Variants in ADARB1 observed in about 807,000 individuals in gnomAD.
ADARB1 encodes the protein adenosine deaminase RNA specific B1.
ADARB1 carries 10 observed loss-of-function variants against 52.4 expected under a neutral mutation model. That is an observed-to-expected ratio of 0.19 (90% CI 0.12 to 0.32). ADARB1 has a LOEUF of 0.32. Among genes scored for constraint, ADARB1 ranks in the 10% least tolerant of loss-of-function variants. ADARB1 has a pLI of 1.00. For synonymous variants in ADARB1, 349 were observed against 371.1 expected (o/e 0.94, Z 0.68); for missense variants, 643 against 922.3 (o/e 0.70, Z 3.92).
intron 2 of ADARB1, among the ~76,000 whole-genome samples, chr21:45,135,758 G>T (rs927190893): frequency 3.3e-5 from 5 of 152,102 alleles, no homozygotes; most frequent in Non-Finnish European, 7.4e-5. Flanking sequence ...AAAAACATAT[G>T]AAGTGTAGAA....
intron 1 of ADARB1, among the ~76,000 whole-genome samples, chr21:45,084,128 G>C (rs1253141106): frequency 1.3e-5 from 2 of 152,226 alleles, no homozygotes; most frequent in Non-Finnish European, 2.9e-5. Flanking sequence ...TCATGCCTCT[G>C]CTGCAGGCTC....
At chr21:45,164,058 A>C (rs1177315177) in intron 2 of ADARB1, among the ~76,000 whole-genome samples, 2 of 152,188 alleles carry the variant, frequency 1.3e-5, no homozygotes, top group Non-Finnish European at 2.9e-5. Context: ...ATTAATAATA[A>C]ATGATAGAAG....
rs1180670823 is a variant in ADARB1 at position 45,142,954 on chromosome 21, C to T, written c.-48+14381C>T. On this transcript the variant is annotated intron_variant, in intron 2 of 10. Coordinates refer to ENST00000348831, the MANE Select transcript of ADARB1 (RefSeq NM_001112.4). The surrounding 1 kb of genome is among the most constrained non-coding windows in gnomAD (Gnocchi z 4.0). Reference sequence around the variant, plus strand: ...TGCACAGCTGTGCAGCCTCCACCCACAAAGGCCAAAGCTCCAATGGCATCT... The same window carrying T: ...TGCACAGCTGTGCAGCCTCCACCCATAAAGGCCAAAGCTCCAATGGCATCT... 6.6e-6 allele frequency among the ~76,000 whole-genome samples: 1 copy of T among 152,212 alleles called. No homozygotes were observed. Among genetic ancestry groups the T allele is most frequent in the Non-Finnish European group, 1.5e-5 (1 of 68,036 alleles).
intron 2 of ADARB1, among the ~76,000 whole-genome samples, chr21:45,133,029 C>T (rs1358718438): frequency 6.6e-6 from 1 of 152,242 alleles, no homozygotes; most frequent in Non-Finnish European, 1.5e-5. Context: ...GGTGGCGGCT[C>T]ATCTGTCAAG....
intron 2 of ADARB1, among the ~76,000 whole-genome samples, chr21:45,150,663 C>A (rs2090238287): frequency 6.6e-6 from 1 of 152,164 alleles, no homozygotes; most frequent in Non-Finnish European, 1.5e-5. Context: ...GGCAGCCCCA[C>A]CCTAACGAGA....
intron 1 of ADARB1, among the ~76,000 whole-genome samples, chr21:45,102,061 T>C (rs929213359): frequency 1.3e-5 from 2 of 152,144 alleles, no homozygotes; most frequent in African/African-American, 4.8e-5. Context: ...CAGCTAACTT[T>C]TTTTATTTTT....
intron 7 of ADARB1, among the ~76,000 whole-genome samples, chr21:45,184,243 T>C (rs1302643974): frequency 6.6e-6 from 1 of 152,196 alleles, no homozygotes; most frequent in East Asian, 1.9e-4. Flanking sequence ...TTTAAAAATA[T>C]AGAGGAAAAT....
At chr21:45,214,362 G>A (rs984977880) in intron 9 of ADARB1, among the ~76,000 whole-genome samples, 1 of 152,002 alleles carries the variant, frequency 6.6e-6, no homozygotes, top group African/African-American at 2.4e-5. Flanking sequence ...AGTGTCTTAC[G>A]CAAACCACAT....
intron 2 of ADARB1, among the ~76,000 whole-genome samples, chr21:45,162,914 T>C (rs2091050699): frequency 1.3e-5 from 2 of 151,586 alleles, no homozygotes; most frequent in Non-Finnish European, 1.5e-5. Flanking sequence ...ATGTGAATCT[T>C]AACTCACAGC....
Position 45,105,053 on chromosome 21 carries a change from C to G in ADARB1, c.-219-23349C>G, listed in dbSNP as rs535457644. 2.0e-5 allele frequency among the ~76,000 whole-genome samples: 3 copies of G among 151,670 alleles called. No individual in the cohort carries two copies. In the East Asian group the frequency reaches 5.8e-4, roughly 29 times the overall value. Reference sequence around the variant, plus strand: ...TACTTCCCAGGTGATTTTTCTGTTACGCTTAGCATGCATCGTTGCTGCTTC... The same window carrying G: ...TACTTCCCAGGTGATTTTTCTGTTAGGCTTAGCATGCATCGTTGCTGCTTC... On this transcript the variant is annotated intron_variant, in intron 1 of 10. Transcript: ENST00000348831.
At chr21:45,093,060 C>T (rs2086621728) in intron 1 of ADARB1, among the ~76,000 whole-genome samples, 1 of 152,088 alleles carries the variant, frequency 6.6e-6, no homozygotes. Context: ...TTATACCCCA[C>T]CCCACCCCCA....
At chr21:45,185,716 G>C (rs1401914252) in intron 8 of ADARB1, among the ~76,000 whole-genome samples, 1 of 152,084 alleles carries the variant, frequency 6.6e-6, no homozygotes, top group Admixed American at 6.5e-5. Flanking sequence ...AGTTCCAGTA[G>C]TTCTTTGTTT....
chr21:45,114,330 A>G (rs771008344), intron 1 of ADARB1, among the ~76,000 whole-genome samples: 1 of 152,192 alleles, frequency 6.6e-6, no homozygotes, highest in African/African-American at 2.4e-5. Flanking sequence ...TCCAAGCACC[A>G]TTGTGACATA....
Position 45,183,621 on chromosome 21 carries a change from G to T in ADARB1, c.1396+111G>T. 4.0e-6 allele frequency: 5 copies of T among 1,247,706 alleles called. No individual in the cohort carries two copies. The Admixed American group carries it at 8.6e-5, about 22-fold the overall frequency. 77.3% of individuals were successfully genotyped at this position (1,247,706 alleles called of 1,614,324 possible). On this transcript the variant is annotated intron_variant, in intron 7 of 10. Transcript: ENST00000348831. ...TTTTTTCTTTTTATTTTTAGACTTG[G>T]ATGTGGATCTGATAAGAGTCTCTAT...
chr21:45,101,391 G>T (rs2087008866), intron 1 of ADARB1, among the ~76,000 whole-genome samples: 1 of 152,246 alleles, frequency 6.6e-6, no homozygotes, highest in Admixed American at 6.5e-5. Context: ...AGTGCTGGGT[G>T]CAGAGGATCT....
intron 2 of ADARB1, among the ~76,000 whole-genome samples, chr21:45,161,884 G>A (rs975130292): frequency 6.6e-6 from 1 of 152,178 alleles, no homozygotes; most frequent in Non-Finnish European, 1.5e-5. Context: ...AAGACAGGAT[G>A]ACCTGCTTAT....
chr21:45,109,268 C>CTG (rs57794933), intron 1 of ADARB1, among the ~76,000 whole-genome samples: 124,502 of 147,278 alleles, frequency 0.85, 52,626 homozygotes, highest in Non-Finnish European at 0.89. Context: ...TGTGTGTGCA[C>CTG]TGCGCGCGTG....
chr21:45,092,911 T>C (rs1393893454), intron 1 of ADARB1, among the ~76,000 whole-genome samples: 2 of 150,996 alleles, frequency 1.3e-5, no homozygotes, highest in African/African-American at 4.8e-5. Flanking sequence ...TTTTTTTTTC[T>C]TGATGGAGCC....
At chr21:45,097,948 GCTT>G (rs1356440084) in intron 1 of ADARB1, among the ~76,000 whole-genome samples, 1 of 152,098 alleles carries the variant, frequency 6.6e-6, no homozygotes, top group Non-Finnish European at 1.5e-5. Flanking sequence ...TGAAACCAGA[GCTT>G]CATTTTCCTA....
Sources: gnomAD v4.1 joint callset for allele counts (sites outside exome capture counted in the v4.1 genomes callset) on GRCh38, gnomAD v4.1.1 for gene constraint, Gnocchi (gnomAD v3.1) non-coding constraint, MANE v1.5 for transcripts, NCBI Gene and HGNC (gene_info 2026-07-23, HGNC 2026-07-21) for gene names.